Variants in MAML2 observed in about 807,000 individuals in gnomAD.
The protein encoded by MAML2 is mastermind like transcriptional coactivator 2.
A neutral mutation model predicts 96.1 loss-of-function variants in MAML2; 22 were observed. The observed-to-expected ratio is 0.23, with a 90% CI of 0.16 to 0.33. The LOEUF is 0.33. Among genes scored for constraint, MAML2 ranks in the 10% least tolerant of loss-of-function variants. The pLI is 1.00. For synonymous variants in MAML2, 561 were observed against 521.3 expected (o/e 1.08, Z -1.04); for missense variants, 1,367 against 1,392.4 (o/e 0.98, Z 0.29).
chr11:96,230,816 T>C (rs1467933730), intron 1 of MAML2, among the ~76,000 whole-genome samples: 6 of 152,242 alleles, frequency 3.9e-5, no homozygotes, highest in Non-Finnish European at 8.8e-5. Context: ...TTGACACTTG[T>C]CTCGCTAATT....
At position 96,244,947 on chromosome 11, in the gene MAML2, A is replaced by G. The variant is rs1005319878; in HGVS notation, c.513+96436T>C. On this transcript the variant is annotated intron_variant, in intron 1 of 4. Transcript: ENST00000524717. The stretch of plus-strand genomic sequence containing the variant: ...AAAGGATCTATTTTGTCCACCTGAA[A>G]CAAAAGGAACATGCTGTATCTTAAA... Among the ~76,000 whole-genome samples, 13 of 152,244 alleles carry G rather than the reference A, an allele frequency of 8.5e-5. No homozygotes were observed. In the South Asian group the frequency reaches 1.0e-3, roughly 12 times the overall value.
chr11:96,070,638 G>A (rs1183920783), intron 2 of MAML2, among the ~76,000 whole-genome samples: 3 of 152,252 alleles, frequency 2.0e-5, no homozygotes, highest in Admixed American at 6.5e-5. Flanking sequence ...GCCAGACCCC[G>A]TGCTCGTTCA....
At chr11:96,045,754 A>T (rs925297763) in intron 2 of MAML2, among the ~76,000 whole-genome samples, 3 of 152,198 alleles carry the variant, frequency 2.0e-5, no homozygotes, top group African/African-American at 7.2e-5. Context: ...AGTGGATGAA[A>T]CTTCCTTGTA....
intron 1 of MAML2, among the ~76,000 whole-genome samples, chr11:96,110,263 G>T (rs922712306): frequency 6.6e-6 from 1 of 152,188 alleles, no homozygotes; most frequent in Non-Finnish European, 1.5e-5. Flanking sequence ...GAGGACAGTG[G>T]CTAGAGAGAG....
chr11:96,219,384 T>C (rs1238285301), intron 1 of MAML2, among the ~76,000 whole-genome samples: 1 of 152,240 alleles, frequency 6.6e-6, no homozygotes, highest in Non-Finnish European at 1.5e-5. Context: ...CATGAGTTCT[T>C]TGCCACCTCA....
At chr11:96,124,174 A>G (rs1411214166) in intron 1 of MAML2, among the ~76,000 whole-genome samples, 3 of 149,742 alleles carry the variant, frequency 2.0e-5, no homozygotes, top group Non-Finnish European at 4.4e-5. Context: ...TCTGTGGCCC[A>G]CTGATTCCTA....
chr11:96,210,144 C>T (rs1324190944), intron 1 of MAML2, among the ~76,000 whole-genome samples: 7 of 152,212 alleles, frequency 4.6e-5, no homozygotes, highest in Admixed American at 2.0e-4. Flanking sequence ...CTCACTCTGT[C>T]GCCCAGTTTG....
intron 2 of MAML2, among the ~76,000 whole-genome samples, chr11:96,043,176 G>A (rs568689083): frequency 1.3e-5 from 2 of 152,160 alleles, no homozygotes; most frequent in Admixed American, 6.5e-5. Context: ...CGGAAGGAAG[G>A]ACCAACAGCT....
intron 1 of MAML2, among the ~76,000 whole-genome samples, chr11:96,141,085 A>G (rs1389200625): frequency 3.9e-5 from 6 of 152,040 alleles, no homozygotes; most frequent in Admixed American, 3.3e-4. Flanking sequence ...CTTTATTGTT[A>G]GTTATCCAAT....
At chr11:96,314,626 C>A (rs1399746992) in intron 1 of MAML2, among the ~76,000 whole-genome samples, 1 of 152,164 alleles carries the variant, frequency 6.6e-6, no homozygotes, top group Non-Finnish European at 1.5e-5. Context: ...ACCTAAAACA[C>A]AGGGAAACGG....
chr11:96,264,506 T>C (rs1862798721), intron 1 of MAML2, among the ~76,000 whole-genome samples: 1 of 152,216 alleles, frequency 6.6e-6, no homozygotes, highest in East Asian at 1.9e-4. Flanking sequence ...TCCTGTTTTG[T>C]GCCACTCACT....
intron 2 of MAML2, among the ~76,000 whole-genome samples, chr11:96,084,961 C>T (rs1243409318): frequency 6.6e-6 from 1 of 152,176 alleles, no homozygotes; most frequent in Admixed American, 6.5e-5. Flanking sequence ...GGTCAACCAC[C>T]CCTGTTCTTT....
intron 2 of MAML2, among the ~76,000 whole-genome samples, chr11:95,995,029 A>G (rs1306308279): frequency 6.6e-6 from 1 of 152,228 alleles, no homozygotes; most frequent in African/African-American, 2.4e-5. Flanking sequence ...TACAAGAGTT[A>G]GGGGAGATAA....
At chr11:96,133,203 G>A (rs1860573701) in intron 1 of MAML2, among the ~76,000 whole-genome samples, 1 of 152,132 alleles carries the variant, frequency 6.6e-6, no homozygotes, top group Non-Finnish European at 1.5e-5. Flanking sequence ...CATTGAAAAG[G>A]AACCATTAAA....
chr11:96,194,668 C>T (rs1407661717), intron 1 of MAML2, among the ~76,000 whole-genome samples: 1 of 152,210 alleles, frequency 6.6e-6, no homozygotes, highest in East Asian at 1.9e-4. Flanking sequence ...TGTGCCTCTT[C>T]TTTATTAGCC....
chr11:96,211,156 G>A (rs1189696730), intron 1 of MAML2, among the ~76,000 whole-genome samples: 1 of 152,180 alleles, frequency 6.6e-6, no homozygotes, highest in East Asian at 1.9e-4. Flanking sequence ...AAAAGTCACA[G>A]AAGCCTTAAA....
In MAML2 at chr11:95,980,495, A is replaced by G. The variant is rs933710376; in HGVS notation, c.2456-532T>C. 2.6e-5 allele frequency among the ~76,000 whole-genome samples: 4 copies of G among 152,162 alleles called. 1 individual carries two copies. In the South Asian group the frequency reaches 8.3e-4, roughly 32 times the overall value. On this transcript the variant is annotated intron_variant, in intron 4 of 4. Transcript: ENST00000524717. The stretch of plus-strand genomic sequence containing the variant: ...CTACCCCAGTGACTCCCCAGTGTTC[A>G]AAGGGTAAATCTCCATCTCTTTAAA...
rs766729306 is a variant in MAML2, at chr11:96,279,657, A to AT, written c.513+61725dup. 1.4e-4 allele frequency among the ~76,000 whole-genome samples: 22 copies of AT among 152,248 alleles called. 1 individual carries two copies. In the East Asian group the frequency reaches 2.9e-3, roughly 20 times the overall value. On this transcript the variant is annotated intron_variant, in intron 1 of 4. Transcript: ENST00000524717. The stretch of plus-strand genomic sequence containing the variant: ...CCTGACATGTTTTGTATTAAAATAT[A>AT]TTTTTCTTTTTATGAACATGTCATA...
chr11:96,330,366 C>G (rs758799449), intron 1 of MAML2, among the ~76,000 whole-genome samples: 2 of 152,154 alleles, frequency 1.3e-5, no homozygotes, highest in Non-Finnish European at 2.9e-5. Context: ...CATTTAATCC[C>G]CACAACCTTT....
Sources: allele counts gnomAD v4.1 joint callset (sites outside exome capture counted in the v4.1 genomes callset), GRCh38; gene constraint gnomAD v4.1.1; transcripts MANE v1.5; gene names NCBI Gene and HGNC (gene_info 2026-07-23, HGNC 2026-07-21).